DLG2: variants seen among roughly 807,000 people sequenced by gnomAD.
DLG2 encodes disks large homolog 2.
Under a neutral mutation model 132.5 loss-of-function variants are expected in DLG2, and 45 were observed. The observed-to-expected ratio is 0.34, with a 90% CI of 0.27 to 0.44. The LOEUF (loss-of-function observed/expected upper bound fraction) is 0.44. Ranked by LOEUF, DLG2 falls within the 20% of genes least tolerant of loss-of-function variation. DLG2 has a pLI of 1.00. For synonymous variants in DLG2, 424 were observed against 419.6 expected (o/e 1.01, Z -0.13); for missense variants, 1,045 against 1,196.9 (o/e 0.87, Z 1.87).
chr11:85,024,830 T>A (rs924946975), intron 6 of DLG2, among the ~76,000 whole-genome samples: 2 of 152,206 alleles, frequency 1.3e-5, no homozygotes, highest in Non-Finnish European at 2.9e-5. Context: ...TAACATAAAT[T>A]CAGGTTTCTC....
At chr11:85,545,923 GAA>G (rs1053321119) in intron 3 of DLG2, among the ~76,000 whole-genome samples, 43 of 151,578 alleles carry the variant, frequency 2.8e-4, no homozygotes, top group Admixed American at 8.6e-4. Context: ...CTATTTTGTT[GAA>G]CTTTTCAAAA....
chr11:83,883,035 T>C (rs996561657), intron 15 of DLG2, among the ~76,000 whole-genome samples: 3 of 152,168 alleles, frequency 2.0e-5, no homozygotes, highest in Non-Finnish European at 4.4e-5. Context: ...GCCCAAACAC[T>C]GGCCAATCAA....
Position 84,598,851 on chromosome 11 carries a change from G to A in DLG2, c.358-64120C>T, listed in dbSNP as rs376254561. 7.2e-5 allele frequency among the ~76,000 whole-genome samples: 11 copies of A among 152,052 alleles called. No homozygotes were observed. The East Asian group carries it at 2.1e-3, about 29-fold the overall frequency. ...AACTACCTGGGAGGCTGAAGGGGAA[G>A]GATTGCTTGGGCTTTGGAGGCCCTG... On this transcript the variant is annotated intron_variant, in intron 6 of 27. Coordinates refer to ENST00000376104, the MANE Select transcript of DLG2 (RefSeq NM_001142699.3).
intron 3 of DLG2, among the ~76,000 whole-genome samples, chr11:85,449,226 A>C (rs1397406157): frequency 6.6e-6 from 1 of 152,098 alleles, no homozygotes. Flanking sequence ...CAATTCTGGA[A>C]ATTTTTCATC....
At chr11:84,227,163 G>A (rs945575710) in intron 8 of DLG2, among the ~76,000 whole-genome samples, 6 of 152,010 alleles carry the variant, frequency 3.9e-5, no homozygotes, top group African/African-American at 1.4e-4. Context: ...CATGGTAGGA[G>A]GAGGGGTGAG....
In DLG2 at chr11:83,530,344, T is replaced by C. The variant is rs187798399; in HGVS notation, c.2193+2364A>G. On this transcript the variant is annotated intron_variant, in intron 21 of 27. Coordinates refer to ENST00000376104, the MANE Select transcript of DLG2 (RefSeq NM_001142699.3). ...TTATTATGTCAATGACTGGGCTCCC[T>C]TATGATTCTAGAAATAGAAAGGGCA... 2.0e-3 allele frequency among the ~76,000 whole-genome samples: 304 copies of C among 152,172 alleles called. 5 individuals are homozygous for C. Among genetic ancestry groups the C allele is most frequent in the Admixed American group, 0.018 (277 of 15,254 alleles).
At chr11:84,366,279 C>T (rs1238745956) in intron 7 of DLG2, among the ~76,000 whole-genome samples, 1 of 151,622 alleles carries the variant, frequency 6.6e-6, no homozygotes, top group East Asian at 1.9e-4. Flanking sequence ...ATTTTGTCAC[C>T]ACCAGGCCTG....
Position 84,080,005 on chromosome 11 carries a change from C to T in DLG2, c.749+18918G>A, listed in dbSNP as rs149412456. Among the ~76,000 whole-genome samples, 19 of 152,308 alleles carry T rather than the reference C, an allele frequency of 1.2e-4. 1 individual carries two copies. The East Asian group carries it at 3.1e-3, about 25-fold the overall frequency. The stretch of plus-strand genomic sequence containing the variant: ...TAGGCTAGATTAGGTCATGCCATTA[C>T]AGCCTTTCACAGCACTACGTCCTTT... On this transcript the variant is annotated intron_variant, in intron 10 of 27. Transcript: ENST00000376104.
At chr11:84,149,283 T>G (rs551072550) in intron 9 of DLG2, among the ~76,000 whole-genome samples, 111 of 152,282 alleles carry the variant, frequency 7.3e-4, no homozygotes, top group African/African-American at 2.6e-3. Context: ...TTGCCATAAA[T>G]TCTTTGCCAA....
intron 10 of DLG2, among the ~76,000 whole-genome samples, chr11:84,064,589 T>C (rs1400641893): frequency 6.6e-6 from 1 of 152,150 alleles, no homozygotes; most frequent in Non-Finnish European, 1.5e-5. Flanking sequence ...AGAGAATGCA[T>C]GTGAAATACA....
intron 11 of DLG2, among the ~76,000 whole-genome samples, chr11:84,025,868 A>T (rs1350937496): frequency 6.6e-6 from 1 of 152,178 alleles, no homozygotes; most frequent in East Asian, 1.9e-4. Context: ...GACCAAAGCC[A>T]AATTGTGTAA....
chr11:83,883,432 T>C (rs1341180717), intron 15 of DLG2, among the ~76,000 whole-genome samples: 1 of 152,224 alleles, frequency 6.6e-6, no homozygotes, highest in Non-Finnish European at 1.5e-5. Context: ...TGGATTTCTT[T>C]AAATTTAGGT....
At chr11:83,942,857 T>C (rs1418490331) in intron 14 of DLG2, among the ~76,000 whole-genome samples, 1 of 152,252 alleles carries the variant, frequency 6.6e-6, no homozygotes, top group African/African-American at 2.4e-5. Flanking sequence ...GTAGTGGTAA[T>C]CATTTCACAA....
At chr11:83,714,242 T>C (rs909603800) in intron 18 of DLG2, among the ~76,000 whole-genome samples, 6 of 151,588 alleles carry the variant, frequency 4.0e-5, no homozygotes, top group African/African-American at 1.5e-4. Context: ...GGGGAAACAA[T>C]TGAGGAAGAG....
chr11:84,344,539 G>T (rs1321410037), intron 7 of DLG2, among the ~76,000 whole-genome samples: 1 of 152,178 alleles, frequency 6.6e-6, no homozygotes, highest in Non-Finnish European at 1.5e-5. Context: ...ATGGTTGAAA[G>T]CTCAGTGAAG....
chr11:84,133,393 G>A (rs1365140503), intron 9 of DLG2, among the ~76,000 whole-genome samples: 1 of 151,974 alleles, frequency 6.6e-6, no homozygotes, highest in African/African-American at 2.4e-5. Context: ...ACTGGTAGAA[G>A]TATCATCTCA....
chr11:85,510,618 A>AG (rs1399589895), intron 3 of DLG2, among the ~76,000 whole-genome samples: 205 of 152,338 alleles, frequency 1.3e-3, no homozygotes, highest in Non-Finnish European at 2.1e-3. Flanking sequence ...AAACACATGA[A>AG]AAATGCTCAT....
chr11:84,947,572 T>C (rs1566478863), intron 6 of DLG2, among the ~76,000 whole-genome samples: 5 of 152,210 alleles, frequency 3.3e-5, no homozygotes, highest in Admixed American at 3.3e-4. Context: ...CCCCTTGCTA[T>C]GATGCTTTCC....
chr11:85,598,930 T>C (rs907119619), intron 2 of DLG2, 142 bp from the exon 3 acceptor site: 15 of 364,732 alleles, frequency 4.1e-5, no homozygotes, highest in African/African-American at 3.1e-4. Flanking sequence ...AACTACCATA[T>C]GAAAATAATT....
Sources: gnomAD v4.1 joint callset for allele counts (sites outside exome capture counted in the v4.1 genomes callset) on GRCh38, gnomAD v4.1.1 for gene constraint, MANE v1.5 for transcripts, NCBI Gene and HGNC (gene_info 2026-07-23, HGNC 2026-07-21) for gene names.